The following GSG1L variants were observed in gnomAD, a reference collection of about 807,000 sequenced individuals.
The protein encoded by GSG1L is germ cell-specific gene 1-like protein.
GSG1L carries 24 observed loss-of-function variants against 42.1 expected under a neutral mutation model. The ratio of observed to expected loss-of-function variants is 0.57; its 90% CI spans 0.41 to 0.80. The LOEUF is 0.80. Ranked by LOEUF, GSG1L falls within the 30% of genes least tolerant of loss-of-function variation. GSG1L has a pLI of 0.00. For synonymous variants in GSG1L, 215 were observed against 203.5 expected, an observed-to-expected ratio of 1.06 and a Z score of -0.48; for missense variants, 445 against 472.2, an observed-to-expected ratio of 0.94 and a Z score of 0.53.
intron 2 of GSG1L, among the ~76,000 whole-genome samples, chr16:27,918,398 T>C (rs1028242490): frequency 3.9e-5 from 6 of 152,140 alleles, no homozygotes; most frequent in Non-Finnish European, 8.8e-5. Context: ...TGGCTCATGC[T>C]TATAATCCCA....
At chr16:27,908,300 A>C (rs2084343130) in intron 2 of GSG1L, among the ~76,000 whole-genome samples, 1 of 152,192 alleles carries the variant, frequency 6.6e-6, no homozygotes, top group Non-Finnish European at 1.5e-5. Context: ...AATCAGCAAA[A>C]CCATCGAGCT....
intron 6 of GSG1L, 87 bp downstream of exon 6, chr16:27,807,400 G>A: frequency 9.3e-7 from 1 of 1,076,614 alleles, no homozygotes; most frequent in Non-Finnish European, 1.4e-6. Context: ...GGGGGGTGGG[G>A]GCTGGCCTGA....
At chr16:28,016,497 G>C (rs1438362405) in intron 1 of GSG1L, among the ~76,000 whole-genome samples, 2 of 152,098 alleles carry the variant, frequency 1.3e-5, no homozygotes, top group East Asian at 1.9e-4. Context: ...TTGGAGCTTA[G>C]TGCAATCTTC....
rs895941760 is a variant in GSG1L at position 27,809,275 on chromosome 16, T to G, written c.831-1721A>C. Among the ~76,000 whole-genome samples, 3 of 152,124 alleles carry G rather than the reference T, an allele frequency of 2.0e-5. No homozygotes were observed. In the South Asian group the frequency reaches 6.2e-4, roughly 32 times the overall value. ...CAGTGCATGCCGGAGTGGTGGTGTG[T>G]GCTTCTAGTCCCAGCCACTCAGGAG... On this transcript the variant is annotated intron_variant, in intron 5 of 6. Transcript: ENST00000447459.
chr16:27,906,762 C>T (rs1479111492), intron 2 of GSG1L, among the ~76,000 whole-genome samples: 2 of 152,188 alleles, frequency 1.3e-5, no homozygotes, highest in African/African-American at 2.4e-5. Context: ...TCCCTAGCAG[C>T]GGTCTCATTT....
intron 5 of GSG1L, among the ~76,000 whole-genome samples, chr16:27,827,009 G>A (rs768288086): frequency 2.0e-5 from 3 of 152,144 alleles, no homozygotes; most frequent in South Asian, 2.1e-4. Flanking sequence ...AAAGAGCCAC[G>A]CAGACCTGGG....
At chr16:27,926,955 A>C (rs563575324) in intron 2 of GSG1L, among the ~76,000 whole-genome samples, 11 of 152,210 alleles carry the variant, frequency 7.2e-5, no homozygotes, top group Non-Finnish European at 1.5e-4. Context: ...CGGAGGGTTT[A>C]GAAATATGTT....
In GSG1L at chr16:27,807,378, G is replaced by T. The variant is rs370108446; in HGVS notation, c.898+109C>A. 9.9e-5 allele frequency: 80 copies of T among 809,032 alleles called. No individual in the cohort carries two copies. In the East Asian group the frequency reaches 2.1e-3, roughly 21 times the overall value. 50.1% of individuals were successfully genotyped at this position (809,032 alleles called of 1,614,324 possible). A position where few individuals can be genotyped will look rare whatever the true frequency, so the allele number is the denominator to read the frequency against. On this transcript the variant is annotated intron_variant, in intron 6 of 6. Coordinates refer to ENST00000447459, the MANE Select transcript of GSG1L (RefSeq NM_001109763.2). ...ATCTGTAACGTGTTTGTGGGAGAAT[G>T]CAGGGTGCAGTGGGGGGTGGGGGCT... is the stretch of plus-strand genomic sequence containing the variant.
intron 1 of GSG1L, among the ~76,000 whole-genome samples, chr16:27,977,390 G>A (rs2085262612): frequency 6.6e-6 from 1 of 151,970 alleles, no homozygotes; most frequent in Non-Finnish European, 1.5e-5. Context: ...AGACCAACAT[G>A]GTCAAACCCT....
chr16:28,052,730 GCTGCAGAT>G (rs1056879390), intron 1 of GSG1L, among the ~76,000 whole-genome samples: 3 of 152,228 alleles, frequency 2.0e-5, no homozygotes. Flanking sequence ...TCTGCAGATT[GCTGCAGAT>G]AGCTGCAACA....
At chr16:27,792,093 C>T (rs1272476828) in intron 6 of GSG1L, among the ~76,000 whole-genome samples, 2 of 152,130 alleles carry the variant, frequency 1.3e-5, no homozygotes, top group Non-Finnish European at 2.9e-5. Flanking sequence ...ACTTGTGCAG[C>T]CATCATCCAC....
At chr16:27,802,875 G>A (rs545350199) in intron 6 of GSG1L, among the ~76,000 whole-genome samples, 53 of 151,176 alleles carry the variant, frequency 3.5e-4, no homozygotes, top group Middle Eastern at 3.4e-3. Flanking sequence ...GGCTGGTCTC[G>A]AACTCCTGGC....
intron 1 of GSG1L, among the ~76,000 whole-genome samples, chr16:27,968,698 T>A (rs917382647): frequency 2.0e-5 from 3 of 152,154 alleles, no homozygotes; most frequent in Non-Finnish European, 2.9e-5. Flanking sequence ...GGCTCCCAGC[T>A]CTCACCACCA....
chr16:27,835,791 C>T lies in GSG1L; in HGVS notation c.663-6835G>A, dbSNP rs1014962469. On this transcript the variant is annotated intron_variant, in intron 4 of 6. Transcript: ENST00000447459. The stretch of plus-strand genomic sequence containing the variant: ...TCTTGGCTCCCTTTGTGACCCTTTA[C>T]TTTCCTTCATTTATAATATAATTGT... Among the ~76,000 whole-genome samples the T allele has an allele frequency of 2.0e-5, 3 of 152,020 alleles. No individual in the cohort carries two copies. The East Asian group carries it at 5.8e-4, about 29-fold the overall frequency.
intron 3 of GSG1L, among the ~76,000 whole-genome samples, chr16:27,875,823 C>G (rs1190759532): frequency 6.6e-6 from 1 of 152,180 alleles, no homozygotes; most frequent in Non-Finnish European, 1.5e-5. Context: ...CTCTCTACCT[C>G]TAGAATTTTA....
intron 2 of GSG1L, among the ~76,000 whole-genome samples, chr16:27,956,472 A>G (rs764523546): frequency 1.3e-5 from 2 of 152,168 alleles, no homozygotes; most frequent in African/African-American, 2.4e-5. Context: ...CACTTAAATT[A>G]TTGATCAGCA....
chr16:28,026,046 C>T (rs149174133), intron 1 of GSG1L, among the ~76,000 whole-genome samples: 2 of 152,328 alleles, frequency 1.3e-5, no homozygotes, highest in African/African-American at 4.8e-5. Flanking sequence ...CTGATCAACA[C>T]GTGGCTCTGG....
chr16:27,817,447 G>A (rs1163295663), intron 5 of GSG1L, among the ~76,000 whole-genome samples: 1 of 152,166 alleles, frequency 6.6e-6, no homozygotes, highest in Non-Finnish European at 1.5e-5. Flanking sequence ...CTGTGCTTCT[G>A]CAACTATCTG....
chr16:28,041,866 G>A (rs895405568), intron 1 of GSG1L, among the ~76,000 whole-genome samples: 3 of 152,204 alleles, frequency 2.0e-5, no homozygotes, highest in East Asian at 1.9e-4. Context: ...GCTGGGCATC[G>A]CAGATGTTGA....
Sources: allele counts gnomAD v4.1 joint callset (sites outside exome capture counted in the v4.1 genomes callset), GRCh38; gene constraint gnomAD v4.1.1; transcripts MANE v1.5; gene names NCBI Gene and HGNC (gene_info 2026-07-23, HGNC 2026-07-21).